FBLN1: variants seen among roughly 807,000 people sequenced by gnomAD.
FBLN1 encodes the protein fibulin 1, also known as fibulin-1.
Under a neutral mutation model 89.7 loss-of-function variants are expected in FBLN1, and 34 were observed. That is an observed-to-expected ratio of 0.38 (90% CI 0.29 to 0.50). FBLN1 has a LOEUF of 0.50. Ranked by LOEUF, FBLN1 falls within the 20% of genes least tolerant of loss-of-function variation. FBLN1 has a pLI of 0.92. For missense variants in FBLN1, 777 were observed against 988.1 expected, an observed-to-expected ratio of 0.79 and a Z score of 2.86; for synonymous variants, 393 against 391.3, an observed-to-expected ratio of 1.00 and a Z score of -0.05.
chr22:45,574,717 C>A lies in FBLN1; in HGVS notation c.1840+64C>A, dbSNP rs919022830. ...GGCCTCCCTCGGCTTCAGCTGAGGGCTTGGCCTACAGGAGTTGTTCCTTGT... is the reference window on the plus strand; with the variant it reads ...GGCCTCCCTCGGCTTCAGCTGAGGGATTGGCCTACAGGAGTTGTTCCTTGT... On this transcript the variant is annotated intron_variant, in intron 15 of 16. Coordinates refer to ENST00000327858, the MANE Select transcript of FBLN1 (RefSeq NM_006486.3). This position sits in a 1 kb window ranked among gnomAD's most constrained non-coding sequence, Gnocchi z 4.1. 2 of 1,435,702 alleles carry A rather than the reference C, an allele frequency of 1.4e-6. No individual in the cohort carries two copies. The highest frequency in any genetic ancestry group is 1.9e-6 in the Non-Finnish European group (2 of 1,035,918). The allele number at this position is 1,435,702 out of a possible 1,614,324, so 88.9% of individuals were successfully genotyped here.
Position 45,575,824 on chromosome 22 carries a change from G to A in FBLN1, c.1841-1153G>A, listed in dbSNP as rs146612039. Reference sequence around the variant, plus strand: ...TCCTGGCTGTGCTGCCCGTGTGCCCGGTCCCCAACCACCCCCGCCCTCTAG... The same window carrying A: ...TCCTGGCTGTGCTGCCCGTGTGCCCAGTCCCCAACCACCCCCGCCCTCTAG... On this transcript the variant is annotated intron_variant, in intron 15 of 16. Coordinates refer to ENST00000327858, the MANE Select transcript of FBLN1 (RefSeq NM_006486.3). This position sits in a 1 kb window ranked among gnomAD's most constrained non-coding sequence, Gnocchi z 6.3. Among the ~76,000 whole-genome samples the A allele has an allele frequency of 1.3e-5, 2 of 152,104 alleles. No individual in the cohort carries two copies. The highest frequency in any genetic ancestry group is 2.4e-5 in the African/African-American group (1 of 41,388).
intron 16 of FBLN1, among the ~76,000 whole-genome samples, chr22:45,592,771 G>A (rs2089149899): frequency 6.6e-6 from 1 of 152,202 alleles, no homozygotes. Flanking sequence ...CTTGTGATGG[G>A]CAAGCCTGTT....
chr22:45,559,920 G>T (rs943144326), intron 14 of FBLN1, among the ~76,000 whole-genome samples: 2 of 152,308 alleles, frequency 1.3e-5, no homozygotes, highest in East Asian at 1.9e-4. Flanking sequence ...GGGGTTCTGG[G>T]TCTGTAAACT....
intron 14 of FBLN1, among the ~76,000 whole-genome samples, chr22:45,564,713 G>T (rs2088886565): frequency 6.6e-6 from 1 of 152,218 alleles, no homozygotes. Context: ...CTCTGTGAAG[G>T]CAGGGACCAG....
rs1024843504 is a variant in FBLN1, at chr22:45,579,089, G to C, written c.1972+1981G>C. ...TTAGTTCCCACCTACATCCTTCCTG[G>C]GGTGACCCAAGCCAAGAGGTTGGGC... On this transcript the variant is annotated intron_variant, in intron 16 of 16. Coordinates refer to ENST00000327858, the MANE Select transcript of FBLN1 (RefSeq NM_006486.3). This position sits in a 1 kb window ranked among gnomAD's most constrained non-coding sequence, Gnocchi z 5.5. Among the ~76,000 whole-genome samples the C allele has an allele frequency of 2.6e-5, 4 of 152,184 alleles. No individual in the cohort carries two copies. Among genetic ancestry groups the C allele is most frequent in the Non-Finnish European group, 5.9e-5 (4 of 68,028 alleles).
intron 16 of FBLN1, among the ~76,000 whole-genome samples, chr22:45,585,905 T>G (rs887121411): frequency 6.6e-6 from 1 of 152,072 alleles, no homozygotes; most frequent in Admixed American, 6.5e-5. Context: ...TTATCCCTCC[T>G]TGAGGTTATC....
chr22:45,523,002 C>T (rs1341429155), intron 2 of FBLN1: 18 of 560,226 alleles, frequency 3.2e-5, no homozygotes, highest in African/African-American at 5.5e-5. Context: ...GTAATAAGTC[C>T]GTCTGATGGT....
chr22:45,507,688 T>C (rs55866503), intron 1 of FBLN1, among the ~76,000 whole-genome samples: 10,409 of 152,124 alleles, frequency 0.068, 417 homozygotes, highest in Non-Finnish European at 0.078. Context: ...CCACCACACC[T>C]GGCTAATTTT....
At chr22:45,535,438 G>A (rs1320466156) in intron 8 of FBLN1, 101 bp downstream of exon 8, 2 of 1,466,422 alleles carry the variant, frequency 1.4e-6, no homozygotes, top group East Asian at 2.4e-5. Flanking sequence ...ATGGTATACA[G>A]AACAGGGGTT....
In FBLN1 at chr22:45,598,326, G is replaced by A. The variant is rs576954537; in HGVS notation, c.1973-1981G>A. Among the ~76,000 whole-genome samples the A allele has an allele frequency of 3.9e-5, 6 of 152,326 alleles. No individual in the cohort carries two copies. The South Asian group carries it at 6.2e-4, about 16-fold the overall frequency. On this transcript the variant is annotated intron_variant, in intron 16 of 16. Coordinates refer to ENST00000327858, the MANE Select transcript of FBLN1 (RefSeq NM_006486.3). ...CGGAAATTTGCCATAGAAATTGGCC[G>A]ATGGTACGACCAGAGAGCCACCTGT...
chr22:45,584,929 A>G (rs1475942907), intron 16 of FBLN1, among the ~76,000 whole-genome samples: 4 of 152,234 alleles, frequency 2.6e-5, no homozygotes, highest in African/African-American at 4.8e-5. Flanking sequence ...TCATTCAACA[A>G]GAACATCCTG....
intron 16 of FBLN1, among the ~76,000 whole-genome samples, chr22:45,596,015 G>A (rs1569270325): frequency 1.3e-5 from 2 of 152,112 alleles, no homozygotes; most frequent in Admixed American, 6.5e-5. Flanking sequence ...GACTGCAGGC[G>A]TGTCCCACCA....
At chr22:45,547,810 T>C (rs948760837) in intron 12 of FBLN1, among the ~76,000 whole-genome samples, 1 of 151,878 alleles carries the variant, frequency 6.6e-6, no homozygotes, top group African/African-American at 2.4e-5. Context: ...AATTACAACA[T>C]GCACTGGGAC....
intron 16 of FBLN1, among the ~76,000 whole-genome samples, chr22:45,585,707 G>C (rs920543092): frequency 1.3e-5 from 2 of 152,196 alleles, no homozygotes; most frequent in Non-Finnish European, 2.9e-5. Flanking sequence ...TCTTGAGCTG[G>C]GGGTGTCACC....
intron 12 of FBLN1, 111 bp from the exon 13 acceptor site, chr22:45,548,502 T>C: frequency 6.9e-7 from 1 of 1,453,266 alleles, no homozygotes; most frequent in South Asian, 1.2e-5. Flanking sequence ...CAGCTTGTCC[T>C]GTGCTGCTGC....
rs955197927 is a variant in FBLN1 at position 45,575,376 on chromosome 22, T to TG, written c.1840+730dup. On this transcript the variant is annotated intron_variant, in intron 15 of 16. Transcript: ENST00000327858. This position sits in a 1 kb window ranked among gnomAD's most constrained non-coding sequence, Gnocchi z 6.3. ...ACATGGCCAGAAGGGTCTGGAGGTA[T>TG]GGGGGGGCGGTGTGGGCGTTTGAGA... Among the ~76,000 whole-genome samples the TG allele has an allele frequency of 1.2e-4, 18 of 151,274 alleles. No individual in the cohort carries two copies. Among genetic ancestry groups the TG allele is most frequent in the Middle Eastern group, 3.4e-3 (1 of 294 alleles).
At chr22:45,569,642 AAAGAAGAAGAAG>A (rs56907104) in intron 14 of FBLN1, among the ~76,000 whole-genome samples, 13,959 of 149,788 alleles carry the variant, frequency 0.093, 699 homozygotes, top group South Asian at 0.14. Context: ...CTGTCTCAAA[AAAGAAGAAGAAG>A]AAGAAGAAGA....
intron 1 of FBLN1, among the ~76,000 whole-genome samples, chr22:45,509,346 G>T (rs1212725153): frequency 1.3e-5 from 2 of 152,172 alleles, no homozygotes; most frequent in African/African-American, 2.4e-5. Context: ...GGTACCTTCT[G>T]CTCCTTCTCT....
intron 16 of FBLN1, among the ~76,000 whole-genome samples, chr22:45,586,576 G>T (rs989684411): frequency 1.3e-5 from 2 of 152,238 alleles, no homozygotes; most frequent in African/African-American, 4.8e-5. Flanking sequence ...GCTCGTCAAG[G>T]TTTGGGCTGG....
Sources: gnomAD v4.1 joint callset for allele counts (sites outside exome capture counted in the v4.1 genomes callset) on GRCh38, gnomAD v4.1.1 for gene constraint, Gnocchi (gnomAD v3.1) non-coding constraint, MANE v1.5 for transcripts, NCBI Gene and HGNC (gene_info 2026-07-23, HGNC 2026-07-21) for gene names.